MS4A10: variants seen among roughly 807,000 people sequenced by gnomAD.
The protein encoded by MS4A10 is membrane spanning 4-domains A10, also known as membrane-spanning 4-domains subfamily A member 10.
In MS4A10, 27 loss-of-function variants were observed where a neutral mutation model predicts 27.7. That is an observed-to-expected ratio of 0.98 (90% CI 0.72 to 1.35). MS4A10 has a LOEUF of 1.35. Among genes scored for constraint, MS4A10 ranks in the 40% most tolerant of loss-of-function variants. The pLI is 0.00. For missense variants in MS4A10, 338 were observed against 324.7 expected (o/e 1.04, Z -0.32); for synonymous variants, 139 against 131.2 (o/e 1.06, Z -0.41).
At chr11:60,786,173 GCACACACA>G (rs776986366) in intron 1 of MS4A10, among the ~76,000 whole-genome samples, 2 of 139,890 alleles carry the variant, frequency 1.4e-5, no homozygotes, top group Admixed American at 1.4e-4. Flanking sequence ...GCACACACAT[GCACACACA>G]CACACACGCA....
At chr11:60,791,223 T>C in intron 3 of MS4A10, 130 bp downstream of exon 3, 1 of 1,166,530 alleles carries the variant, frequency 8.6e-7, no homozygotes, top group Non-Finnish European at 1.2e-6. Flanking sequence ...GCGAGGCCCT[T>C]TCTCCAGTGT....
chr11:60,794,227 T>A, intron 5 of MS4A10, 124 bp downstream of exon 5: 1 of 1,112,362 alleles, frequency 9.0e-7, no homozygotes. Context: ...TGCTGGGCCC[T>A]TTGCCAACCT....
chr11:60,790,387 T>C lies in MS4A10; in HGVS notation c.52T>C (p.Ser18Pro), dbSNP rs745473912. 2.5e-6 allele frequency: 4 copies of C among 1,613,952 alleles called. No individual in the cohort carries two copies. The highest frequency in any genetic ancestry group is 3.4e-6 in the Non-Finnish European group (4 of 1,180,006). Residue 18 changes from serine to proline, a missense_variant, in exon 2 of 8, where the codon TCA (serine) becomes CCA (proline). Coordinates refer to ENST00000308287, the MANE Select transcript of MS4A10 (RefSeq NM_206893.4). The stretch of plus-strand genomic sequence containing the variant: ...CAGCCGTTGTGCTAGGGGGCTCCCA[T>C]CATGGCAAGTCCTCAGCCCAGTCCA... Reference protein sequence around the residue: ...IPSRCARGLPSWQVLSPVQPW... With the variant: ...IPSRCARGLPPWQVLSPVQPW...
Position 60,792,246 on chromosome 11 carries a change from T to C in MS4A10, c.304-19T>C. Reference sequence around the variant, plus strand: ...GGAACCCCAGCTTCTCTCCTTTGACTTTCAAATCTGTCCTGCAGTTTCTCA... The same window carrying C: ...GGAACCCCAGCTTCTCTCCTTTGACCTTCAAATCTGTCCTGCAGTTTCTCA... On this transcript the variant is annotated intron_variant, in intron 3 of 7. Transcript: ENST00000308287. 6.2e-7 allele frequency: 1 copy of C among 1,611,426 alleles called. No homozygotes were observed.
intron 6 of MS4A10, among the ~76,000 whole-genome samples, chr11:60,796,639 G>A (rs957191173): frequency 3.9e-5 from 6 of 152,124 alleles, no homozygotes; most frequent in Non-Finnish European, 5.9e-5. Flanking sequence ...AGCAAGCTGA[G>A]GTCCAGAGAG....
Position 60,791,059 on chromosome 11 carries a change from T to G in MS4A10, c.269T>G (p.Leu90Arg), listed in dbSNP as rs1396264962. 1 of 1,614,128 alleles carries G rather than the reference T, an allele frequency of 6.2e-7. No individual in the cohort carries two copies. Among genetic ancestry groups the G allele is most frequent in the Non-Finnish European group, 8.5e-7 (1 of 1,180,002 alleles). Residue 90 changes from leucine (L) to arginine (R), a missense_variant, in exon 3 of 8, where the codon CTG becomes CGG. Physicochemically the swap from Leu to Arg is moderately radical, Grantham distance 102. Transcript: ENST00000308287. Reference sequence around the variant, plus strand: ...GTCAAGAACCTTCACCTGGTGGTGCTGAAGTCTTGGTATCCATTCTGGGGG... The same window carrying G: ...GTCAAGAACCTTCACCTGGTGGTGCGGAAGTCTTGGTATCCATTCTGGGGG... ...SIVKNLHLVV[L>R]KSWYPFWGAA...
chr11:60,786,193 A>ACGCG (rs60672339), intron 1 of MS4A10, among the ~76,000 whole-genome samples: 7 of 147,016 alleles, frequency 4.8e-5, no homozygotes, highest in Non-Finnish European at 7.6e-5. Context: ...ACACACGCAC[A>ACGCG]CACACACACA....
chr11:60,796,759 C>A (rs1249481451), intron 6 of MS4A10, among the ~76,000 whole-genome samples: 3 of 151,996 alleles, frequency 2.0e-5, no homozygotes, highest in African/African-American at 4.8e-5. Context: ...TGGCATAGGG[C>A]TAGATATATT....
At chr11:60,798,922 A>G (rs776629622) in intron 7 of MS4A10, among the ~76,000 whole-genome samples, 1 of 152,180 alleles carries the variant, frequency 6.6e-6, no homozygotes, top group Admixed American at 6.5e-5. Context: ...AAGGGCAGCC[A>G]GGAAGGAAGG....
Position 60,794,099 on chromosome 11 carries a change from C to T in MS4A10, c.488C>T (p.Ser163Phe), listed in dbSNP as rs761621765. ...ESPIWRMYPN[S>F]TVHIQRLELA... ...CCGATCTGGAGAATGTACCCCAACT[C>T]CACGGTGAGTACCCAGGCCTGGAGG... is the stretch of plus-strand genomic sequence containing the variant. The change falls in exon 5 of 8, where the codon TCC becomes TTC. Residue 163 changes from serine (S) to phenylalanine (F), a missense_variant. Transcript: ENST00000308287. The T allele has an allele frequency of 3.1e-6, 5 of 1,614,132 alleles. No homozygotes were observed. The highest frequency in any genetic ancestry group is 2.2e-5 in the South Asian group (2 of 91,078).
rs148872263 is a variant in MS4A10, at chr11:60,796,949, A to T, written c.603+1284A>T. On this transcript the variant is annotated intron_variant, in intron 6 of 7. Transcript: ENST00000308287. ...CAATCTCAACTTTAGAACATTATTTAAAAAAGTGCCAAATCCCCCATAATT... is the reference window on the plus strand; with the variant it reads ...CAATCTCAACTTTAGAACATTATTTTAAAAAGTGCCAAATCCCCCATAATT... Among the ~76,000 whole-genome samples, 263 of 152,296 alleles carry T rather than the reference A, an allele frequency of 1.7e-3. 1 individual carries two copies. The highest frequency in any genetic ancestry group is 2.3e-3 in the Non-Finnish European group (157 of 68,020).
rs1161937779 is a variant in MS4A10 at position 60,800,654 on chromosome 11, C to T, written c.*745C>T. ...TTGGCCATAGCACCTCTCTTCTCCA[C>T]TTCTGATCTGCTGCTTCTAACCTTC... On this transcript the variant is annotated 3_prime_UTR_variant, in exon 8 of 8. Transcript: ENST00000308287. 6.6e-6 allele frequency: 1 copy of T among 152,278 alleles called. No homozygotes were observed. Among genetic ancestry groups the T allele is most frequent in the Admixed American group, 6.5e-5 (1 of 15,288 alleles). 9.4% of individuals were successfully genotyped at this position (152,278 alleles called of 1,614,324 possible).
rs1466138183 is a variant in MS4A10 at position 60,801,086 on chromosome 11, CT to C, written c.*1178del. On this transcript the variant is annotated 3_prime_UTR_variant, in exon 8 of 8. Coordinates refer to ENST00000308287, the MANE Select transcript of MS4A10 (RefSeq NM_206893.4). Reference sequence around the variant, plus strand: ...GGATTACAGGCATGAGCCACCACCCCTGGCTGAAACCCAATCTTTCAAAACA... The same window carrying C: ...GGATTACAGGCATGAGCCACCACCCCGGCTGAAACCCAATCTTTCAAAACA... 2 of 152,240 alleles carry C rather than the reference CT, an allele frequency of 1.3e-5. No homozygotes were observed. The highest frequency in any genetic ancestry group is 2.9e-5 in the Non-Finnish European group (2 of 68,054). The allele number at this position is 152,240 out of a possible 1,614,324, so 9.4% of individuals were successfully genotyped here.
intron 7 of MS4A10, among the ~76,000 whole-genome samples, chr11:60,798,736 A>C (rs1008650513): frequency 2.0e-5 from 3 of 152,158 alleles, no homozygotes; most frequent in African/African-American, 7.2e-5. Context: ...ACATCTCAGC[A>C]CCTGACTTGG....
Position 60,800,093 on chromosome 11 carries a change from G to A in MS4A10, c.*184G>A, listed in dbSNP as rs1293257542. 3 of 785,716 alleles carry A rather than the reference G, an allele frequency of 3.8e-6. No homozygotes were observed. The highest frequency in any genetic ancestry group is 4.0e-6 in the Non-Finnish European group (2 of 494,228). 48.7% of individuals were successfully genotyped at this position (785,716 alleles called of 1,614,324 possible). A position where few individuals can be genotyped will look rare whatever the true frequency, so the allele number is the denominator to read the frequency against. On this transcript the variant is annotated 3_prime_UTR_variant, in exon 8 of 8. Coordinates refer to ENST00000308287, the MANE Select transcript of MS4A10 (RefSeq NM_206893.4). ...TCTCAGATAAGCCATTTCTTACATA[G>A]TTGATGGCTCGATATCTGTGGTGGC...
In MS4A10 at chr11:60,796,376, G is replaced by A. The variant is rs1450667813; in HGVS notation, c.603+711G>A. Among the ~76,000 whole-genome samples the A allele has an allele frequency of 2.6e-5, 4 of 152,076 alleles. 1 individual carries two copies. Among genetic ancestry groups the A allele is most frequent in the East Asian group, 1.9e-4 (1 of 5,184 alleles). On this transcript the variant is annotated intron_variant, in intron 6 of 7. Transcript: ENST00000308287. ...CGGCCCACTGCAACCTCCGCCTCCC[G>A]GGTTCAAGCAATTCTCCTACCTCAG...
At chr11:60,793,293 C>T (rs1011103444) in intron 4 of MS4A10, among the ~76,000 whole-genome samples, 2 of 152,184 alleles carry the variant, frequency 1.3e-5, no homozygotes, top group Non-Finnish European at 2.9e-5. Context: ...GGCTGAGCCC[C>T]TTTTAGAACC....
intron 1 of MS4A10, among the ~76,000 whole-genome samples, chr11:60,786,643 G>A (rs908037292): frequency 1.3e-5 from 2 of 151,966 alleles, no homozygotes; most frequent in African/African-American, 4.8e-5. Flanking sequence ...GGATGCAGAT[G>A]GAGGCAATAA....
At chr11:60,790,088 G>A (rs1459986462) in intron 1 of MS4A10, among the ~76,000 whole-genome samples, 2 of 152,178 alleles carry the variant, frequency 1.3e-5, no homozygotes, top group Non-Finnish European at 2.9e-5. Context: ...CCCAAAAGGA[G>A]CTGTGTCTTT....
Sources: gnomAD v4.1 joint callset for allele counts (sites outside exome capture counted in the v4.1 genomes callset) on GRCh38, gnomAD v4.1.1 for gene constraint, MANE v1.5 for transcripts, NCBI Gene and HGNC (gene_info 2026-07-23, HGNC 2026-07-21) for gene names.